Variants in KLF4 observed in about 807,000 individuals in gnomAD.
KLF4 encodes KLF transcription factor 4.
A neutral mutation model predicts 38.0 loss-of-function variants in KLF4; 14 were observed. That is an observed-to-expected ratio of 0.37 (90% CI 0.24 to 0.58). The LOEUF (loss-of-function observed/expected upper bound fraction) is 0.58. Among genes scored for constraint, KLF4 ranks in the 20% least tolerant of loss-of-function variants. The pLI, the probability that KLF4 is intolerant of heterozygous loss-of-function variation, is 0.76. For missense variants in KLF4, 737 were observed against 670.1 expected (o/e 1.10, Z -1.10); for synonymous variants, 398 against 302.5 (o/e 1.32, Z -3.28).
Position 107,488,953 on chromosome 9 carries a change from G to A in KLF4, c.103C>T (p.Arg35Cys), listed in dbSNP as rs865958901. 3 of 1,560,940 alleles carry A rather than the reference G, an allele frequency of 1.9e-6. No homozygotes were observed. The highest frequency in any genetic ancestry group is 1.7e-4 in the Middle Eastern group (1 of 6,008). ...SGPAGREKTL[R>C]QAGAPNNRWR... ...ACGTTATTCGGGGCACCTGCTTGAC[G>A]CAGTGTCTTCTCCCTTCCCGCCGGG... The change falls in exon 2 of 5, where the codon CGT becomes TGT. Residue 35 changes from arginine (R) to cysteine (C), a missense_variant. Coordinates refer to ENST00000374672, the MANE Select transcript of KLF4 (RefSeq NM_004235.6). This position sits in a 1 kb window ranked among gnomAD's most constrained non-coding sequence, Gnocchi z 5.7.
rs1203562696 is a variant in KLF4 at position 107,488,759 on chromosome 9, T to C, written c.126+171A>G. Among the ~76,000 whole-genome samples, 1 of 152,162 alleles carries C rather than the reference T, an allele frequency of 6.6e-6. No homozygotes were observed. The highest frequency in any genetic ancestry group is 2.4e-5 in the African/African-American group (1 of 41,454). ...CTCCGCAGTGCTCGCACCACGGGCA[T>C]ACACAGCTGAGCCAAGGACACGGAA... On this transcript the variant is annotated intron_variant, in intron 2 of 4. Coordinates refer to ENST00000374672, the MANE Select transcript of KLF4 (RefSeq NM_004235.6). The surrounding 1 kb of genome is among the most constrained non-coding windows in gnomAD (Gnocchi z 5.7).
intron 4 of KLF4, among the ~76,000 whole-genome samples, chr9:107,486,803 C>T (rs571581502): frequency 1.3e-5 from 2 of 152,088 alleles, no homozygotes; most frequent in South Asian, 2.1e-4. Flanking sequence ...AAGCAAAAGG[C>T]TCCTGGGCAG....
At chr9:107,486,895 C>T in intron 4 of KLF4, 133 bp downstream of exon 4, 1 of 1,552,668 alleles carries the variant, frequency 6.4e-7, no homozygotes, top group East Asian at 2.3e-5. Flanking sequence ...CAAGGAGGCA[C>T]TGAGGAGTGT....
At chr9:107,486,730 G>A (rs913433846) in intron 4 of KLF4, among the ~76,000 whole-genome samples, 3 of 152,034 alleles carry the variant, frequency 2.0e-5, no homozygotes, top group African/African-American at 4.8e-5. Context: ...ACAGACCGCG[G>A]GGAATCTCCT....
Position 107,488,765 on chromosome 9 carries a change from G to A in KLF4, c.126+165C>T, listed in dbSNP as rs1368619600. 6.6e-6 allele frequency among the ~76,000 whole-genome samples: 1 copy of A among 152,212 alleles called. No individual in the cohort carries two copies. The highest frequency in any genetic ancestry group is 1.5e-5 in the Non-Finnish European group (1 of 68,046). ...AGTGCTCGCACCACGGGCATACACAGCTGAGCCAAGGACACGGAAGCTATC... is the reference window on the plus strand; with the variant it reads ...AGTGCTCGCACCACGGGCATACACAACTGAGCCAAGGACACGGAAGCTATC... On this transcript the variant is annotated intron_variant, in intron 2 of 4. Transcript: ENST00000374672. This position sits in a 1 kb window ranked among gnomAD's most constrained non-coding sequence, Gnocchi z 5.7.
intron 4 of KLF4, 96 bp downstream of exon 4, chr9:107,486,932 C>A: frequency 6.3e-7 from 1 of 1,598,604 alleles, no homozygotes; most frequent in South Asian, 1.1e-5. Context: ...GGGCTGGAAG[C>A]TAACCTGGGA....
In KLF4 at chr9:107,488,354, T is replaced by C; in HGVS notation, c.127-87A>G. ...GACGTGCTGGCGGGCCACGCGCGAC[T>C]GCACCGCCCAGACATGGGGACTGGT... On this transcript the variant is annotated intron_variant, in intron 2 of 4. Transcript: ENST00000374672. This position sits in a 1 kb window ranked among gnomAD's most constrained non-coding sequence, Gnocchi z 5.7. 6.9e-7 allele frequency: 1 copy of C among 1,457,292 alleles called. No homozygotes were observed. Among genetic ancestry groups the C allele is most frequent in the Non-Finnish European group, 9.0e-7 (1 of 1,109,316 alleles). 90.3% of individuals were successfully genotyped at this position (1,457,292 alleles called of 1,614,324 possible).
intron 4 of KLF4, among the ~76,000 whole-genome samples, chr9:107,486,502 G>T (rs1203805113): frequency 1.3e-5 from 2 of 151,000 alleles, no homozygotes; most frequent in South Asian, 2.1e-4. Context: ...AAAACCTTCT[G>T]CTTGTGGGGG....
intron 4 of KLF4, 139 bp downstream of exon 4, chr9:107,486,889 G>C: frequency 2.0e-6 from 3 of 1,525,186 alleles, no homozygotes; most frequent in Non-Finnish European, 2.7e-6. Context: ...GGAAGCCAAG[G>C]AGGCACTGAG....
rs747410599 is a variant in KLF4, at chr9:107,487,647, G to A, written c.747C>T (p.Ser249=). ...GSEYGSPSVI[S]VSKGSPDGSH... ...TGCCGTCAGGGCTGCCTTTGCTGAC[G>A]CTGATGACCGACGGGCTGCCGTACT... The change falls in exon 3 of 5, where the codon AGC becomes AGT. Residue 249 remains serine, a synonymous_variant. Coordinates refer to ENST00000374672, the MANE Select transcript of KLF4 (RefSeq NM_004235.6). This position sits in a 1 kb window ranked among gnomAD's most constrained non-coding sequence, Gnocchi z 6.1. 4.0e-5 allele frequency: 63 copies of A among 1,590,550 alleles called. No individual in the cohort carries two copies. The highest frequency in any genetic ancestry group is 5.3e-5 in the African/African-American group (4 of 74,768).
At position 107,485,567 on chromosome 9, in the gene KLF4, G is replaced by C. The variant is rs1240481983; in HGVS notation, c.*184C>G. ...CAGTCACAGACCCCATCTGTTCTTT[G>C]ATTTTTGTCTTTTGGATTCCTCATT... On this transcript the variant is annotated 3_prime_UTR_variant, in exon 5 of 5. Transcript: ENST00000374672. The surrounding 1 kb of genome is among the most constrained non-coding windows in gnomAD (Gnocchi z 4.9). 1 of 562,480 alleles carries C rather than the reference G, an allele frequency of 1.8e-6. No homozygotes were observed. Among genetic ancestry groups the C allele is most frequent in the Admixed American group, 3.7e-5 (1 of 27,118 alleles). The allele number at this position is 562,480 out of a possible 1,614,324, so 34.8% of individuals were successfully genotyped here.
In KLF4 at chr9:107,488,956, G is replaced by C. The variant is rs1829141042; in HGVS notation, c.100C>G (p.Leu34Val). Residue 34 changes from leucine to valine, a missense_variant, in exon 2 of 5, where the codon CTG (leucine) becomes GTG (valine). Leu to Val is a conservative substitution (Grantham distance 32). Transcript: ENST00000374672. This position sits in a 1 kb window ranked among gnomAD's most constrained non-coding sequence, Gnocchi z 5.7. Reference protein sequence around the residue: ...ASGPAGREKTLRQAGAPNNRW... With the variant: ...ASGPAGREKTVRQAGAPNNRW... ...TTATTCGGGGCACCTGCTTGACGCA[G>C]TGTCTTCTCCCTTCCCGCCGGGCCA... 1 of 1,562,000 alleles carries C rather than the reference G, an allele frequency of 6.4e-7. No homozygotes were observed. Among genetic ancestry groups the C allele is most frequent in the Admixed American group, 1.9e-5 (1 of 52,568 alleles).
In KLF4 at chr9:107,489,562, A is replaced by G; in HGVS notation, c.-390T>C. On this transcript the variant is annotated 5_prime_UTR_variant, in exon 1 of 5. Coordinates refer to ENST00000374672, the MANE Select transcript of KLF4 (RefSeq NM_004235.6). ...CTGGCTGCCGTGGCGCGGAGCTGCG[A>G]ACTGGTCGGCGGCGCAAGGCGCGGA... is the stretch of plus-strand genomic sequence containing the variant. The G allele has an allele frequency of 4.8e-6, 1 of 208,968 alleles. No individual in the cohort carries two copies. Among genetic ancestry groups the G allele is most frequent in the Non-Finnish European group, 9.5e-6 (1 of 105,548 alleles). 12.9% of individuals were successfully genotyped at this position (208,968 alleles called of 1,614,324 possible).
Position 107,489,709 on chromosome 9 carries a change from C to T in KLF4, c.-537G>A, listed in dbSNP as rs1829161908. 1.9e-5 allele frequency: 4 copies of T among 209,116 alleles called. No homozygotes were observed. In the East Asian group the frequency reaches 2.8e-4, roughly 15 times the overall value. The allele number at this position is 209,116 out of a possible 1,614,324, so 13.0% of individuals were successfully genotyped here. On this transcript the variant is annotated 5_prime_UTR_variant, in exon 1 of 5. Transcript: ENST00000374672. ...GGCTCCCGGTGCCGCCGCCGCCCGC[C>T]ACCGCCTCTGCTCCCCGCGCGCCCG...
chr9:107,485,028 G>A lies in KLF4; in HGVS notation c.*723C>T, dbSNP rs1052233807. The A allele has an allele frequency of 9.9e-6, 2 of 202,120 alleles. No homozygotes were observed. Among genetic ancestry groups the A allele is most frequent in the African/African-American group, 4.6e-5 (2 of 43,628 alleles). The allele number at this position is 202,120 out of a possible 1,614,324, so 12.5% of individuals were successfully genotyped here. On this transcript the variant is annotated 3_prime_UTR_variant, in exon 5 of 5. Coordinates refer to ENST00000374672, the MANE Select transcript of KLF4 (RefSeq NM_004235.6). This position sits in a 1 kb window ranked among gnomAD's most constrained non-coding sequence, Gnocchi z 4.9. ...AGGAACTATATAGAAAAACACATTTGTTCTGCTTAAGGCATACTTGGGAAT... is the reference window on the plus strand; with the variant it reads ...AGGAACTATATAGAAAAACACATTTATTCTGCTTAAGGCATACTTGGGAAT...
intron 4 of KLF4, among the ~76,000 whole-genome samples, chr9:107,486,728 C>T (rs1829069542): frequency 6.6e-6 from 1 of 152,030 alleles, no homozygotes; most frequent in Non-Finnish European, 1.5e-5. Flanking sequence ...CCACAGACCG[C>T]GGGGAATCTC....
In KLF4 at chr9:107,487,341, G is replaced by T; in HGVS notation, c.1053C>A (p.Phe351Leu). 1 of 1,556,458 alleles carries T rather than the reference G, an allele frequency of 6.4e-7. No individual in the cohort carries two copies. Among genetic ancestry groups the T allele is most frequent in the African/African-American group, 1.4e-5 (1 of 73,596 alleles). ...CTTGCGGCTGCATCTGATCGGGCAG[G>T]AAGGATGGGTAATTGGGCCCCGGGT... ...HPHPGPNYPS[F>L]LPDQMQPQVP... Residue 351 changes from phenylalanine to leucine, a missense_variant, in exon 3 of 5, where the codon TTC becomes TTA. Physicochemically the swap from Phe to Leu is conservative, Grantham distance 22. Transcript: ENST00000374672. This position sits in a 1 kb window ranked among gnomAD's most constrained non-coding sequence, Gnocchi z 6.1.
rs1829125642 is a variant in KLF4, at chr9:107,488,320, C to T, written c.127-53G>A. The T allele has an allele frequency of 6.7e-7, 1 of 1,496,830 alleles. No individual in the cohort carries two copies. The highest frequency in any genetic ancestry group is 1.3e-5 in the South Asian group (1 of 77,062). 92.7% of individuals were successfully genotyped at this position (1,496,830 alleles called of 1,614,324 possible). A position where few individuals can be genotyped will look rare whatever the true frequency, so the allele number is the denominator to read the frequency against. On this transcript the variant is annotated intron_variant, in intron 2 of 4. Coordinates refer to ENST00000374672, the MANE Select transcript of KLF4 (RefSeq NM_004235.6). The surrounding 1 kb of genome is among the most constrained non-coding windows in gnomAD (Gnocchi z 5.7). ...TCAGTGGTGGTCCCCTGTTGCCACC[C>T]GACATACTGACGTGCTGGCGGGCCA...
At position 107,489,491 on chromosome 9, in the gene KLF4, AGGGGCTGTGGCC is replaced by A. The variant is rs2133191204; in HGVS notation, c.-331_-320del. 2 of 214,822 alleles carry A rather than the reference AGGGGCTGTGGCC, an allele frequency of 9.3e-6. No individual in the cohort carries two copies. The highest frequency in any genetic ancestry group is 4.7e-5 in the African/African-American group (2 of 42,958). The allele number at this position is 214,822 out of a possible 1,614,324, so 13.3% of individuals were successfully genotyped here. A position where few individuals can be genotyped will look rare whatever the true frequency, so the allele number is the denominator to read the frequency against. On this transcript the variant is annotated 5_prime_UTR_variant, in exon 1 of 5. Coordinates refer to ENST00000374672, the MANE Select transcript of KLF4 (RefSeq NM_004235.6). The stretch of plus-strand genomic sequence containing the variant: ...TCGCCTCGAGTGCTGCCGTGGGCGC[AGGGGCTGTGGCC>A]GGGGCGGTGGGCGGGCGGTGCCGCC...
Sources: gnomAD v4.1 joint callset for allele counts (sites outside exome capture counted in the v4.1 genomes callset) on GRCh38, gnomAD v4.1.1 for gene constraint, Gnocchi (gnomAD v3.1) non-coding constraint, MANE v1.5 for transcripts, NCBI Gene and HGNC (gene_info 2026-07-23, HGNC 2026-07-21) for gene names.